Variants in PIK3C3 observed in about 807,000 individuals in gnomAD.
PIK3C3 encodes the protein phosphatidylinositol 3-kinase catalytic subunit type 3, also known as PI3-kinase type 3.
PIK3C3 carries 95 observed loss-of-function variants against 126.1 expected under a neutral mutation model. That is an observed-to-expected ratio of 0.75 (90% CI 0.64 to 0.89). The LOEUF is 0.89. PIK3C3 is among the 40% of genes least tolerant of loss of function. The pLI is 0.00. For missense variants in PIK3C3, 829 were observed against 1,063.2 expected, an observed-to-expected ratio of 0.78 and a Z score of 3.06; for synonymous variants, 374 against 360.0, an observed-to-expected ratio of 1.04 and a Z score of -0.44.
chr18:41,957,055 A>G (rs955518010), intron 1 of PIK3C3, among the ~76,000 whole-genome samples: 2 of 152,224 alleles, frequency 1.3e-5, no homozygotes, highest in African/African-American at 4.8e-5. Context: ...GAAAGAGTAG[A>G]ATAAAAACAT....
chr18:42,007,794 T>C (rs1347538021), intron 10 of PIK3C3, among the ~76,000 whole-genome samples: 1 of 152,224 alleles, frequency 6.6e-6, no homozygotes, highest in Admixed American at 6.5e-5. Flanking sequence ...AGTCTAGTTT[T>C]TCATTGCATT....
chr18:42,076,132 A>ATATG lies in PIK3C3; in HGVS notation c.2650-4988_2650-4987insGTAT, dbSNP rs1985994380. Among the ~76,000 whole-genome samples, 9 of 87,074 alleles carry ATATG rather than the reference A, an allele frequency of 1.0e-4. 1 individual carries two copies. Among genetic ancestry groups the ATATG allele is most frequent in the African/African-American group, 5.6e-4 (7 of 12,454 alleles). The allele number at this position is 87,074 out of a possible 152,430, so 57.1% of individuals were successfully genotyped here. A position where few individuals can be genotyped will look rare whatever the true frequency, so the allele number is the denominator to read the frequency against. ...TATATATATATATATGCGCATATAT[A>ATATG]TATATATATATGCGCATATATATAT... On this transcript the variant is annotated intron_variant, in intron 24 of 24. Transcript: ENST00000262039.
intron 2 of PIK3C3, 35 bp from the exon 3 acceptor site, chr18:41,962,454 T>G (rs758896371): frequency 6.4e-7 from 1 of 1,550,818 alleles, no homozygotes; most frequent in Admixed American, 1.8e-5. Flanking sequence ...TATATATATA[T>G]GTATTTCTGA....
intron 19 of PIK3C3, among the ~76,000 whole-genome samples, chr18:42,042,909 T>C (rs1984387986): frequency 6.6e-6 from 1 of 152,202 alleles, no homozygotes. Context: ...AGGTTGAATG[T>C]ATAAAAATAT....
At chr18:42,042,457 C>G (rs550681268) in intron 19 of PIK3C3, among the ~76,000 whole-genome samples, 1 of 152,084 alleles carries the variant, frequency 6.6e-6, no homozygotes, top group Non-Finnish European at 1.5e-5. Flanking sequence ...CCTGGGGACC[C>G]GTTTAACATA....
At chr18:41,983,657 A>G (rs1981319364) in intron 4 of PIK3C3, among the ~76,000 whole-genome samples, 1 of 152,118 alleles carries the variant, frequency 6.6e-6, no homozygotes, top group African/African-American at 2.4e-5. Flanking sequence ...GTCTATTTCC[A>G]AGGATCACTA....
At chr18:41,987,765 T>G in intron 4 of PIK3C3, 47 bp from the exon 5 acceptor site, 1 of 1,295,376 alleles carries the variant, frequency 7.7e-7, no homozygotes, top group Non-Finnish European at 1.1e-6. Context: ...GGTCCTTCTT[T>G]CTACTAGATG....
chr18:42,032,431 A>G (rs1983869201), intron 15 of PIK3C3, among the ~76,000 whole-genome samples: 1 of 152,144 alleles, frequency 6.6e-6, no homozygotes, highest in African/African-American at 2.4e-5. Context: ...CTTTGATTTT[A>G]GCAGCTGCAC....
intron 13 of PIK3C3, among the ~76,000 whole-genome samples, 165 bp downstream of exon 13, chr18:42,020,870 A>G (rs2144419518): frequency 6.6e-6 from 1 of 152,306 alleles, no homozygotes; most frequent in South Asian, 2.1e-4. Flanking sequence ...GTTCATGGAA[A>G]TGCTTGTTGG....
chr18:41,962,591 G>C lies in PIK3C3; in HGVS notation c.360G>C (p.Val120=), dbSNP rs1194245660. 2 of 1,612,800 alleles carry C rather than the reference G, an allele frequency of 1.2e-6. No individual in the cohort carries two copies. The highest frequency in any genetic ancestry group is 1.7e-6 in the Non-Finnish European group (2 of 1,179,108). ...IWDVYGPGKA[V]PVGGTTVSLF... is the part of the protein sequence containing the mutation. Reference sequence around the variant, plus strand: ...ATGTGTATGGTCCCGGAAAAGCAGTGCCTGTAGGAGGAACAACGGTTTCGC... The same window carrying C: ...ATGTGTATGGTCCCGGAAAAGCAGTCCCTGTAGGAGGAACAACGGTTTCGC... The change falls in exon 3 of 25, where the codon GTG becomes GTC. Residue 120 remains valine, a synonymous_variant. Transcript: ENST00000262039.
chr18:42,008,220 T>A lies in PIK3C3; in HGVS notation c.1170+3679T>A, dbSNP rs575047996. On this transcript the variant is annotated intron_variant, in intron 10 of 24. Coordinates refer to ENST00000262039, the MANE Select transcript of PIK3C3 (RefSeq NM_002647.4). ...TTCTTTATCTTGCATTATTTTGAAA[T>A]TTTTAAATCATATTTCCTACTGCTG... 2.6e-5 allele frequency among the ~76,000 whole-genome samples: 4 copies of A among 152,328 alleles called. No homozygotes were observed. In the East Asian group the frequency reaches 7.7e-4, roughly 29 times the overall value.
chr18:42,013,604 T>C lies in PIK3C3; in HGVS notation c.1325+8T>C. 6.4e-7 allele frequency: 1 copy of C among 1,564,478 alleles called. No homozygotes were observed. Among genetic ancestry groups the C allele is most frequent in the Non-Finnish European group, 8.7e-7 (1 of 1,151,858 alleles). On this transcript the variant is annotated splice_region_variant and intron_variant, in intron 11 of 24. Coordinates refer to ENST00000262039, the MANE Select transcript of PIK3C3 (RefSeq NM_002647.4). ...TTCTGCAGAAATAGATAGGTATGGA[T>C]ATCCAGGGAGGACATATTTTCTAGT...
chr18:42,052,302 AGCTTTT>A (rs1984841877), intron 21 of PIK3C3, among the ~76,000 whole-genome samples: 1 of 152,152 alleles, frequency 6.6e-6, no homozygotes, highest in South Asian at 2.1e-4. Context: ...AGAAGCTTTA[AGCTTTT>A]GTTAACAGTT....
At chr18:41,986,256 G>A (rs923609397) in intron 4 of PIK3C3, among the ~76,000 whole-genome samples, 6 of 151,984 alleles carry the variant, frequency 3.9e-5, no homozygotes, top group Admixed American at 6.6e-5. Flanking sequence ...GTAAATAAAT[G>A]TTATTTTTTT....
chr18:42,041,016 T>A (rs552094320), intron 19 of PIK3C3, among the ~76,000 whole-genome samples: 5 of 152,198 alleles, frequency 3.3e-5, no homozygotes, highest in Admixed American at 2.0e-4. Flanking sequence ...AACCTGTCTC[T>A]GCTAAACTCA....
Position 42,043,805 on chromosome 18 carries a change from G to C in PIK3C3, c.2176G>C (p.Val726Leu). ...TAGTGCTGAGGTCATGGACACTTACGTTAAAAGCTGTGGTAAGTTTTTCAG... is the reference window on the plus strand; with the variant it reads ...TAGTGCTGAGGTCATGGACACTTACCTTAAAAGCTGTGGTAAGTTTTTCAG... The part of the protein sequence containing the change: ...GISAEVMDTY[V>L]KSCAGYCVIT... The change falls in exon 20 of 25, where the codon GTT becomes CTT. Residue 726 changes from valine (V) to leucine (L), a missense_variant. By Grantham distance (32) the Val-to-Leu change is conservative. Transcript: ENST00000262039. 6.2e-7 allele frequency: 1 copy of C among 1,610,832 alleles called. No individual in the cohort carries two copies. The highest frequency in any genetic ancestry group is 8.5e-7 in the Non-Finnish European group (1 of 1,177,322).
chr18:41,970,674 C>T (rs1236376548), intron 4 of PIK3C3: 1 of 603,022 alleles, frequency 1.7e-6, no homozygotes, highest in Non-Finnish European at 2.9e-6. Flanking sequence ...ATAATCATCA[C>T]CACTATATAA....
chr18:42,046,618 ATAGT>A (rs1469370332), intron 20 of PIK3C3, among the ~76,000 whole-genome samples: 1 of 152,142 alleles, frequency 6.6e-6, no homozygotes, highest in Non-Finnish European at 1.5e-5. Context: ...CCATTGTTGT[ATAGT>A]TAAAGAATAA....
At chr18:41,978,388 G>A (rs926369732) in intron 4 of PIK3C3, among the ~76,000 whole-genome samples, 1 of 152,238 alleles carries the variant, frequency 6.6e-6, no homozygotes, top group African/African-American at 2.4e-5. Context: ...AATGGACCAA[G>A]TTAGGGATAT....
Sources: gnomAD v4.1 joint callset for allele counts (sites outside exome capture counted in the v4.1 genomes callset) on GRCh38, gnomAD v4.1.1 for gene constraint, MANE v1.5 for transcripts, NCBI Gene and HGNC (gene_info 2026-07-23, HGNC 2026-07-21) for gene names.